Variants in ZNF536 observed in about 807,000 individuals in gnomAD.
The protein encoded by ZNF536 is zinc finger protein 536.
ZNF536 carries 13 observed loss-of-function variants against 84.5 expected under a neutral mutation model. The observed-to-expected ratio is 0.15, with a 90% CI of 0.10 to 0.24. The LOEUF is 0.24. Among genes scored for constraint, ZNF536 ranks in the 10% least tolerant of loss-of-function variants. The pLI is 1.00. For missense variants in ZNF536, 1,536 were observed against 1,747.5 expected (o/e 0.88, Z 2.16); for synonymous variants, 811 against 742.5 (o/e 1.09, Z -1.50).
At chr19:30,327,569 G>A (rs1000333673) in intron 2 of ZNF536, among the ~76,000 whole-genome samples, 3 of 152,206 alleles carry the variant, frequency 2.0e-5, no homozygotes, top group Non-Finnish European at 4.4e-5. Flanking sequence ...TTTGCATGCC[G>A]TAATTGTTCC....
chr19:30,639,328 G>A (rs1456332886), intron 1 of ZNF536, among the ~76,000 whole-genome samples: 3 of 152,198 alleles, frequency 2.0e-5, no homozygotes, highest in Non-Finnish European at 4.4e-5. Context: ...TTAACCTGGT[G>A]TACCCGAAGT....
intron 1 of ZNF536, among the ~76,000 whole-genome samples, chr19:30,696,637 G>C: frequency 6.6e-6 from 1 of 152,180 alleles, no homozygotes; most frequent in East Asian, 1.9e-4. Flanking sequence ...AAATAAACAG[G>C]ATATAAGGCA....
chr19:30,506,542 G>A (rs1003351280), intron 2 of ZNF536, among the ~76,000 whole-genome samples: 20 of 152,220 alleles, frequency 1.3e-4, no homozygotes, highest in African/African-American at 4.6e-4. Context: ...GCTGAGGCGA[G>A]GGGAGGTTCT....
intron 2 of ZNF536, among the ~76,000 whole-genome samples, chr19:30,342,898 G>A (rs1226301195): frequency 1.3e-5 from 2 of 152,178 alleles, no homozygotes; most frequent in African/African-American, 4.8e-5. Context: ...TAATAAAGGC[G>A]GTAGAGAGGT....
chr19:30,283,521 T>C (rs2045525442), intron 1 of ZNF536, among the ~76,000 whole-genome samples: 1 of 152,170 alleles, frequency 6.6e-6, no homozygotes, highest in African/African-American at 2.4e-5. Flanking sequence ...AGAGAGGACG[T>C]TGATGCCAAA....
chr19:30,601,217 C>T (rs2146930970), intron 1 of ZNF536, among the ~76,000 whole-genome samples: 1 of 152,224 alleles, frequency 6.6e-6, no homozygotes, highest in East Asian at 1.9e-4. Flanking sequence ...AAGTGATTTA[C>T]CTATGACCAT....
chr19:30,399,028 C>T (rs1189799592), intron 1 of ZNF536, among the ~76,000 whole-genome samples: 1 of 152,184 alleles, frequency 6.6e-6, no homozygotes, highest in African/African-American at 2.4e-5. Context: ...TTTACACTCC[C>T]ACCAACAGTG....
intron 1 of ZNF536, among the ~76,000 whole-genome samples, chr19:30,254,352 T>G (rs2024791791): frequency 1.3e-5 from 2 of 152,136 alleles, no homozygotes; most frequent in East Asian, 3.9e-4. Flanking sequence ...AATTCTCCTT[T>G]GCCAGCTCCA....
rs185499395 is a variant in ZNF536 at position 30,446,488 on chromosome 19, C to T, written c.2170+756C>T. On this transcript the variant is annotated intron_variant, in intron 2 of 4. Coordinates refer to ENST00000355537, the MANE Select transcript of ZNF536 (RefSeq NM_014717.3). ...AAGTTCCAAACTTCACCATCTTTCT[C>T]TCCCCCTTAGCGTATTCCCATAATT... Among the ~76,000 whole-genome samples, 349 of 152,130 alleles carry T rather than the reference C, an allele frequency of 2.3e-3. 3 individuals are homozygous for T. Among genetic ancestry groups the T allele is most frequent in the African/African-American group, 8.1e-3 (338 of 41,504 alleles).
intron 2 of ZNF536, among the ~76,000 whole-genome samples, chr19:30,302,621 A>G (rs1301359543): frequency 6.6e-6 from 1 of 152,146 alleles, no homozygotes; most frequent in African/African-American, 2.4e-5. Flanking sequence ...TTGGGAGTCT[A>G]CAATGCTACA....
intron 1 of ZNF536, among the ~76,000 whole-genome samples, chr19:30,660,214 T>C (rs2050075447): frequency 6.6e-6 from 1 of 152,206 alleles, no homozygotes; most frequent in Non-Finnish European, 1.5e-5. Context: ...AAAACCCACA[T>C]GATGGTAATC....
chr19:30,650,511 A>G (rs2049660661), intron 1 of ZNF536, among the ~76,000 whole-genome samples: 1 of 152,146 alleles, frequency 6.6e-6, no homozygotes, highest in African/African-American at 2.4e-5. Context: ...TCTTTTACCT[A>G]TGGGCTTACA....
chr19:30,331,754 C>G (rs2047218756), intron 2 of ZNF536, among the ~76,000 whole-genome samples: 1 of 152,120 alleles, frequency 6.6e-6, no homozygotes, highest in Admixed American at 6.5e-5. Context: ...CACTGCCTTT[C>G]CCTCCAAATC....
At chr19:30,517,997 G>A (rs370027876) in intron 2 of ZNF536, among the ~76,000 whole-genome samples, 6 of 152,076 alleles carry the variant, frequency 3.9e-5, no homozygotes, top group African/African-American at 7.2e-5. Flanking sequence ...TGCCAGGTCC[G>A]CAGAGTTATC....
intron 1 of ZNF536, among the ~76,000 whole-genome samples, chr19:30,653,109 G>T (rs1474538781): frequency 3.3e-5 from 5 of 152,138 alleles, no homozygotes; most frequent in Admixed American, 6.5e-5. Context: ...GAGGAGAGAG[G>T]GTTTCACCAT....
intron 2 of ZNF536, among the ~76,000 whole-genome samples, chr19:30,509,908 T>C (rs1016652065): frequency 6.6e-6 from 1 of 152,244 alleles, no homozygotes; most frequent in Non-Finnish European, 1.5e-5. Context: ...TGAAATTCCA[T>C]GTTCCTGTGG....
In ZNF536 at chr19:30,299,108, T is replaced by C. The variant is rs151066560; in HGVS notation, c.-120+14967T>C. 3.5e-3 allele frequency among the ~76,000 whole-genome samples: 535 copies of C among 152,350 alleles called. 1 individual carries two copies. Among genetic ancestry groups the C allele is most frequent in the African/African-American group, 8.2e-3 (343 of 41,582 alleles). ...GTAGCCTCTGTGAAAGAATCATTTG[T>C]ATTTATTGAAATCACTGATTTTAAT... is the stretch of plus-strand genomic sequence containing the variant. On this transcript the variant is annotated intron_variant, in intron 2 of 5. Transcript: ENST00000585628.
chr19:30,678,071 T>G (rs2050820624), intron 1 of ZNF536, among the ~76,000 whole-genome samples: 2 of 152,146 alleles, frequency 1.3e-5, no homozygotes, highest in Non-Finnish European at 2.9e-5. Flanking sequence ...AGCAAACTAT[T>G]TCAAGAGGAT....
At chr19:30,290,882 C>G (rs2045814948) in intron 2 of ZNF536, among the ~76,000 whole-genome samples, 1 of 152,170 alleles carries the variant, frequency 6.6e-6, no homozygotes, top group Non-Finnish European at 1.5e-5. Context: ...ATGTCCTGCT[C>G]CCTGTGTCCA....
Sources: allele counts gnomAD v4.1 joint callset (sites outside exome capture counted in the v4.1 genomes callset), GRCh38; gene constraint gnomAD v4.1.1; transcripts MANE v1.5; gene names NCBI Gene and HGNC (gene_info 2026-07-23, HGNC 2026-07-21).